GRSF1: variants seen among roughly 807,000 people sequenced by gnomAD.
The protein encoded by GRSF1 is G-rich RNA sequence binding factor 1.
In GRSF1, 50 loss-of-function variants were observed where a neutral mutation model predicts 51.1. That is an observed-to-expected ratio of 0.98 (90% CI 0.78 to 1.24). The LOEUF is 1.24. Ranked by LOEUF, GRSF1 falls within the 50% of genes most tolerant of loss-of-function variation. GRSF1 has a pLI of 0.00. For synonymous variants in GRSF1, 293 were observed against 253.3 expected, an observed-to-expected ratio of 1.16 and a Z score of -1.49; for missense variants, 700 against 639.7, an observed-to-expected ratio of 1.09 and a Z score of -1.02.
intron 4 of GRSF1, 120 bp from the exon 5 acceptor site, chr4:70,831,794 G>A (rs1441047283): frequency 1.4e-5 from 10 of 706,000 alleles, no homozygotes; most frequent in Non-Finnish European, 2.0e-5. Context: ...CTGAATACAT[G>A]CTTGACAGGA....
upstream of GRSF1, chr4:70,839,892 G>A: frequency 7.1e-7 from 1 of 1,400,822 alleles, no homozygotes; most frequent in Non-Finnish European, 9.3e-7. Flanking sequence ...AACGGAAGTG[G>A]AATCCAGGGC....
intron 7 of GRSF1, 188 bp downstream of exon 7, chr4:70,825,936 A>AAAAGTAATAC: frequency 1.9e-6 from 1 of 540,404 alleles, no homozygotes; most frequent in Non-Finnish European, 3.2e-6. Flanking sequence ...TGTCACAAAA[A>AAAAGTAATAC]AAAGTAATAC....
At chr4:70,826,340 A>C in intron 6 of GRSF1, 95 bp from the exon 7 acceptor site, 1 of 1,059,542 alleles carries the variant, frequency 9.4e-7, no homozygotes, top group East Asian at 2.6e-5. Flanking sequence ...CCAAATCCTC[A>C]ATTCCTCTTA....
chr4:70,829,824 G>C (rs1020929), intron 5 of GRSF1, among the ~76,000 whole-genome samples: 120,766 of 151,934 alleles, frequency 0.79, 51,809 homozygotes, highest in Non-Finnish European at 0.95. Flanking sequence ...AAAAACCTTT[G>C]AACCACTTCT....
Position 70,833,000 on chromosome 4 carries a change from A to G in GRSF1, c.670+118T>C, listed in dbSNP as rs1734049636. On this transcript the variant is annotated intron_variant, in intron 3 of 9. Coordinates refer to ENST00000254799, the MANE Select transcript of GRSF1 (RefSeq NM_002092.4). The stretch of plus-strand genomic sequence containing the variant: ...TTTATGTTTTATTTTCACATCCTAT[A>G]AAAGAATGCATTCATACAATCTAAA... 5 of 876,512 alleles carry G rather than the reference A, an allele frequency of 5.7e-6. No homozygotes were observed. The Admixed American group carries it at 7.9e-5, about 14-fold the overall frequency. 54.3% of individuals were successfully genotyped at this position (876,512 alleles called of 1,614,324 possible).
intron 1 of GRSF1, 101 bp downstream of exon 1, chr4:70,839,370 G>A (rs1220572679): frequency 6.6e-7 from 1 of 1,506,596 alleles, no homozygotes; most frequent in East Asian, 2.6e-5. Flanking sequence ...GGATCCCCGG[G>A]CGTGCCCGCG....
chr4:70,823,126 T>C (rs1733586795), intron 9 of GRSF1, among the ~76,000 whole-genome samples: 1 of 152,132 alleles, frequency 6.6e-6, no homozygotes, highest in African/African-American at 2.4e-5. Context: ...CCGGACACAG[T>C]GGCTCACGCC....
intron 2 of GRSF1, among the ~76,000 whole-genome samples, chr4:70,834,370 T>G (rs1362361396): frequency 2.6e-5 from 4 of 152,196 alleles, no homozygotes; most frequent in African/African-American, 9.7e-5. Flanking sequence ...TCCTTGATAC[T>G]AAGTGACCTT....
rs1275487299 is a variant in GRSF1, at chr4:70,819,838, TAAC to T, written c.*1046_*1048del. The T allele has an allele frequency of 2.0e-5, 3 of 152,546 alleles. No individual in the cohort carries two copies. The highest frequency in any genetic ancestry group is 1.5e-5 in the Non-Finnish European group (1 of 68,024). The allele number at this position is 152,546 out of a possible 1,614,324, so 9.4% of individuals were successfully genotyped here. A position where few individuals can be genotyped will look rare whatever the true frequency, so the allele number is the denominator to read the frequency against. On this transcript the variant is annotated 3_prime_UTR_variant, in exon 10 of 10. Coordinates refer to ENST00000254799, the MANE Select transcript of GRSF1 (RefSeq NM_002092.4). ...CCAGCCATTTTGTCCAATATTTAAA[TAAC>T]AAGCTGTTTAATATTAAAGCAGAAA...
Position 70,832,357 on chromosome 4 carries a change from C to G in GRSF1, c.764G>C (p.Arg255Thr). The stretch of plus-strand genomic sequence containing the variant: ...CTCATTGCAACTATAAGGAAGTCCT[C>G]TCAAACGAACCACACCATCATTTAC... ...PVVNDGVVRL[R>T]GLPYSCNEKD... Residue 255 changes from arginine to threonine, a missense_variant, in exon 4 of 10, where the codon AGA (arginine) becomes ACA (threonine). By Grantham distance (71) the Arg-to-Thr change is moderately conservative. Transcript: ENST00000254799. 6.2e-7 allele frequency: 1 copy of G among 1,613,228 alleles called. No individual in the cohort carries two copies. The highest frequency in any genetic ancestry group is 8.5e-7 in the Non-Finnish European group (1 of 1,179,444).
intron 1 of GRSF1, chr4:70,839,258 G>C: frequency 6.7e-7 from 1 of 1,483,574 alleles, no homozygotes; most frequent in Non-Finnish European, 9.0e-7. Flanking sequence ...CTCGAGGCGA[G>C]AACAAAACAA....
Position 70,839,739 on chromosome 4 carries a change from A to C in GRSF1, c.89T>G (p.Leu30Arg), listed in dbSNP as rs1397415323. 1 of 1,502,894 alleles carries C rather than the reference A, an allele frequency of 6.7e-7. No homozygotes were observed. Among genetic ancestry groups the C allele is most frequent in the Non-Finnish European group, 8.8e-7 (1 of 1,133,440 alleles). 93.1% of individuals were successfully genotyped at this position (1,502,894 alleles called of 1,614,324 possible). A position where few individuals can be genotyped will look rare whatever the true frequency, so the allele number is the denominator to read the frequency against. The change falls in exon 1 of 10, where the codon CTG (leucine) becomes CGG (arginine). Residue 30 changes from leucine (L) to arginine (R), a missense_variant. Coordinates refer to ENST00000254799, the MANE Select transcript of GRSF1 (RefSeq NM_002092.4). ...AGAGCCAGCGGCGGAGTAGAAGGGC[A>C]GGCAGGCGGCGCCGGTGCGCCGGCA... ...SSCRRTGAAC[L>R]PFYSAAGSIP... is the part of the protein sequence containing the mutation.
chr4:70,835,383 T>C (rs1287340766), intron 2 of GRSF1, among the ~76,000 whole-genome samples: 1 of 143,476 alleles, frequency 7.0e-6, no homozygotes, highest in African/African-American at 2.6e-5. Flanking sequence ...TGAGCTGAGA[T>C]CATGCCACTG....
At chr4:70,834,682 T>C (rs1229011157) in intron 2 of GRSF1, among the ~76,000 whole-genome samples, 1 of 152,146 alleles carries the variant, frequency 6.6e-6, no homozygotes, top group Non-Finnish European at 1.5e-5. Context: ...AGTACAGTGG[T>C]GTGAACTCAG....
intron 8 of GRSF1, 28 bp downstream of exon 8, chr4:70,825,268 G>A: frequency 1.9e-6 from 3 of 1,550,624 alleles, no homozygotes; most frequent in Non-Finnish European, 2.6e-6. Context: ...CATCAAAAAT[G>A]ACAACAAAAG....
chr4:70,841,985 C>G (rs1734469506), upstream of GRSF1, among the ~76,000 whole-genome samples: 1 of 152,164 alleles, frequency 6.6e-6, no homozygotes, highest in Non-Finnish European at 1.5e-5. Flanking sequence ...GAGCAAGAAC[C>G]ATGATCCCTC....
In GRSF1 at chr4:70,832,406, A is replaced by G; in HGVS notation, c.715T>C (p.Leu239=). 1.2e-6 allele frequency: 2 copies of G among 1,611,168 alleles called. No individual in the cohort carries two copies. Among genetic ancestry groups the G allele is most frequent in the Non-Finnish European group, 1.7e-6 (2 of 1,177,328 alleles). The change falls in exon 4 of 10, where the codon TTG becomes CTG. Residue 239 remains leucine (L), a synonymous_variant. Coordinates refer to ENST00000254799, the MANE Select transcript of GRSF1 (RefSeq NM_002092.4). ...NEDVDALMKS[L]QVKSSPVVND... is the part of the protein sequence containing the mutation. ...ACCACAGGCGAAGATTTGACCTGCAAGCTCTTCATTAAGGCATCCACATCT... is the reference window on the plus strand; with the variant it reads ...ACCACAGGCGAAGATTTGACCTGCAGGCTCTTCATTAAGGCATCCACATCT...
intron 5 of GRSF1, among the ~76,000 whole-genome samples, chr4:70,831,127 G>C (rs952710447): frequency 6.6e-6 from 1 of 152,086 alleles, no homozygotes; most frequent in African/African-American, 2.4e-5. Context: ...GGAGGCCGAG[G>C]CGGGCGGATC....
rs1287823006 is a variant in GRSF1 at position 70,818,777 on chromosome 4, C to T, written c.*2110G>A. 6.6e-6 allele frequency: 1 copy of T among 152,164 alleles called. No individual in the cohort carries two copies. The highest frequency in any genetic ancestry group is 1.5e-5 in the Non-Finnish European group (1 of 68,058). The allele number at this position is 152,164 out of a possible 1,614,324, so 9.4% of individuals were successfully genotyped here. ...ACTATTCTTCCTGATGGCTTTACCA[C>T]AAAGGAAGTTATAGACACAAGGAAC... On this transcript the variant is annotated 3_prime_UTR_variant, in exon 10 of 10. Transcript: ENST00000254799.
Sources: allele counts gnomAD v4.1 joint callset (sites outside exome capture counted in the v4.1 genomes callset), GRCh38; gene constraint gnomAD v4.1.1; transcripts MANE v1.5; gene names NCBI Gene and HGNC (gene_info 2026-07-23, HGNC 2026-07-21).